Variants in MAGI2 observed in about 807,000 individuals in gnomAD.
MAGI2 encodes membrane-associated guanylate kinase, WW and PDZ domain-containing protein 2.
MAGI2 carries 35 observed loss-of-function variants against 133.3 expected under a neutral mutation model. The ratio of observed to expected loss-of-function variants is 0.26; its 90% CI spans 0.20 to 0.35. The LOEUF is 0.35. Ranked by LOEUF, MAGI2 falls within the 10% of genes least tolerant of loss-of-function variation. The pLI, the probability that MAGI2 is intolerant of heterozygous loss-of-function variation, is 1.00. For synonymous variants in MAGI2, 729 were observed against 710.6 expected, an observed-to-expected ratio of 1.03 and a Z score of -0.41; for missense variants, 1,636 against 1,863.4, an observed-to-expected ratio of 0.88 and a Z score of 2.25.
intron 1 of MAGI2, among the ~76,000 whole-genome samples, chr7:79,315,325 ATT>A (rs775143230): frequency 0.19 from 17,422 of 91,934 alleles, 904 homozygotes; most frequent in East Asian, 0.37. Flanking sequence ...TGCCCAGTTA[ATT>A]TTTTTTTTTT....
intron 2 of MAGI2, among the ~76,000 whole-genome samples, chr7:78,781,498 C>T (rs1826399210): frequency 6.6e-6 from 1 of 151,752 alleles, no homozygotes; most frequent in African/African-American, 2.4e-5. Context: ...AAATTTCTCC[C>T]CATCTACTAA....
At chr7:78,689,985 A>G (rs544889341) in intron 2 of MAGI2, among the ~76,000 whole-genome samples, 1 of 152,278 alleles carries the variant, frequency 6.6e-6, no homozygotes, top group African/African-American at 2.4e-5. Flanking sequence ...TGAATGTGGT[A>G]TACAGAATTC....
intron 2 of MAGI2, among the ~76,000 whole-genome samples, chr7:78,837,906 C>T (rs1791788636): frequency 6.6e-6 from 1 of 152,070 alleles, no homozygotes; most frequent in African/African-American, 2.4e-5. Flanking sequence ...GAAACATCAC[C>T]TAGATGAGAA....
chr7:78,887,529 AT>A (rs1424250514), intron 2 of MAGI2, among the ~76,000 whole-genome samples: 1 of 152,198 alleles, frequency 6.6e-6, no homozygotes, highest in Non-Finnish European at 1.5e-5. Context: ...TCTTTAACTC[AT>A]TTTGAAAAAC....
chr7:78,520,987 C>A (rs929354692), intron 4 of MAGI2, among the ~76,000 whole-genome samples: 6 of 152,084 alleles, frequency 3.9e-5, no homozygotes, highest in African/African-American at 1.4e-4. Context: ...CATGACATAA[C>A]CTCTACTGAG....
chr7:79,447,360 A>T lies in MAGI2; in HGVS notation c.301+5660T>A, dbSNP rs556720780. ...AGAGACAGAAGAGAGCTGAGAATAGAATGGAGTAAGTAATAATAAAGTCAC... is the reference window on the plus strand; with the variant it reads ...AGAGACAGAAGAGAGCTGAGAATAGTATGGAGTAAGTAATAATAAAGTCAC... On this transcript the variant is annotated intron_variant, in intron 1 of 21. Coordinates refer to ENST00000354212, the MANE Select transcript of MAGI2 (RefSeq NM_012301.4). Among the ~76,000 whole-genome samples the T allele has an allele frequency of 2.0e-5, 3 of 152,282 alleles. No homozygotes were observed. The South Asian group carries it at 6.2e-4, about 32-fold the overall frequency.
At chr7:78,021,193 A>G (rs1808362182) in intron 21 of MAGI2, among the ~76,000 whole-genome samples, 1 of 152,230 alleles carries the variant, frequency 6.6e-6, no homozygotes, top group Admixed American at 6.5e-5. Flanking sequence ...AGGGAAATCC[A>G]ATTACTGTGA....
chr7:78,075,225 T>C (rs1447008869), intron 21 of MAGI2, among the ~76,000 whole-genome samples: 1 of 152,090 alleles, frequency 6.6e-6, no homozygotes, highest in Non-Finnish European at 1.5e-5. Flanking sequence ...CGTTGCTGCA[T>C]TTTTGTTGCT....
At chr7:78,804,748 C>CAAAA (rs373472835) in intron 2 of MAGI2, among the ~76,000 whole-genome samples, 3,389 of 96,560 alleles carry the variant, frequency 0.035, 63 homozygotes, top group Admixed American at 0.049. Flanking sequence ...GACTCTGTCT[C>CAAAA]AAAAAAAAAA....
chr7:79,066,536 A>G lies in MAGI2; in HGVS notation c.302-59330T>C, dbSNP rs186770753. Among the ~76,000 whole-genome samples, 9 of 152,088 alleles carry G rather than the reference A, an allele frequency of 5.9e-5. No homozygotes were observed. In the East Asian group the frequency reaches 1.4e-3, roughly 23 times the overall value. On this transcript the variant is annotated intron_variant, in intron 1 of 21. Coordinates refer to ENST00000354212, the MANE Select transcript of MAGI2 (RefSeq NM_012301.4). ...TAGGTTGCCTGTTCACACTGATGAT[A>G]GTTTCCTTTGCTGTGCAGAAGCTCC...
At position 78,813,147 on chromosome 7, in the gene MAGI2, A is replaced by C. The variant is rs59233471; in HGVS notation, c.419-185908T>G. Among the ~76,000 whole-genome samples, 1,152 of 152,268 alleles carry C rather than the reference A, an allele frequency of 7.6e-3. 11 individuals are homozygous for C. Among genetic ancestry groups the C allele is most frequent in the African/African-American group, 0.026 (1,085 of 41,544 alleles). On this transcript the variant is annotated intron_variant, in intron 2 of 21. Transcript: ENST00000354212. ...CAAATATTTTAGAAAAAATAACACA[A>C]ATTTACCCAAACTATTCCAGAAAGT...
At chr7:78,966,362 C>T (rs923097729) in intron 2 of MAGI2, among the ~76,000 whole-genome samples, 3 of 152,030 alleles carry the variant, frequency 2.0e-5, no homozygotes, top group Non-Finnish European at 2.9e-5. Context: ...TCCTGGCAAT[C>T]GTCATTCTAC....
intron 6 of MAGI2, among the ~76,000 whole-genome samples, chr7:78,388,275 T>TATCATCATC (rs75353734): frequency 4.9e-5 from 7 of 143,474 alleles, no homozygotes; most frequent in African/African-American, 2.6e-5. Context: ...GCTCCACTGT[T>TATCATCATC]ATCATCATCA....
intron 1 of MAGI2, among the ~76,000 whole-genome samples, chr7:79,213,635 G>C (rs1179382636): frequency 6.6e-6 from 1 of 151,672 alleles, no homozygotes; most frequent in Non-Finnish European, 1.5e-5. Flanking sequence ...ATTTTTCTCA[G>C]GTTTAAAAAA....
chr7:79,453,532 G>GT lies in MAGI2; in HGVS notation c.-213_-212insA. On this transcript the variant is annotated 5_prime_UTR_variant, in exon 1 of 22. Coordinates refer to ENST00000354212, the MANE Select transcript of MAGI2 (RefSeq NM_012301.4). ...GGGACGGCTGGGCAGAGGTAGGAGAGCTTGGATGAGGTTGTGCTGTCCCTT... is the reference window on the plus strand; with the variant it reads ...GGGACGGCTGGGCAGAGGTAGGAGAGTCTTGGATGAGGTTGTGCTGTCCCTT... 1 of 1,366,360 alleles carries GT rather than the reference G, an allele frequency of 7.3e-7. No individual in the cohort carries two copies. The highest frequency in any genetic ancestry group is 1.5e-5 in the African/African-American group (1 of 67,878). The allele number at this position is 1,366,360 out of a possible 1,614,324, so 84.6% of individuals were successfully genotyped here.
At chr7:78,687,241 C>T (rs1176647048) in intron 2 of MAGI2, among the ~76,000 whole-genome samples, 1 of 152,058 alleles carries the variant, frequency 6.6e-6, no homozygotes, top group Non-Finnish European at 1.5e-5. Context: ...ATTGATTATA[C>T]GATCAGGAGT....
At chr7:78,161,848 C>T (rs756959700) in intron 15 of MAGI2, among the ~76,000 whole-genome samples, 17 of 151,984 alleles carry the variant, frequency 1.1e-4, no homozygotes, top group Non-Finnish European at 2.1e-4. Flanking sequence ...TAATTAATCA[C>T]GTTTAAATAA....
chr7:78,803,212 C>G (rs950254051), intron 2 of MAGI2, among the ~76,000 whole-genome samples: 1 of 152,008 alleles, frequency 6.6e-6, no homozygotes, highest in African/African-American at 2.4e-5. Context: ...TAACAGATGT[C>G]AGGAATTCTA....
intron 10 of MAGI2, among the ~76,000 whole-genome samples, chr7:78,216,158 T>C (rs1367987011): frequency 6.6e-6 from 1 of 152,212 alleles, no homozygotes; most frequent in Non-Finnish European, 1.5e-5. Context: ...CTGGGACATA[T>C]TTAAACTGTT....
Sources: gnomAD v4.1 joint callset for allele counts (sites outside exome capture counted in the v4.1 genomes callset) on GRCh38, gnomAD v4.1.1 for gene constraint, MANE v1.5 for transcripts, NCBI Gene and HGNC (gene_info 2026-07-23, HGNC 2026-07-21) for gene names.